SLC16A12: variants seen among roughly 807,000 people sequenced by gnomAD.
SLC16A12 encodes the protein monocarboxylate transporter 12.
A neutral mutation model predicts 42.4 loss-of-function variants in SLC16A12; 17 were observed. That is an observed-to-expected ratio of 0.40 (90% CI 0.27 to 0.60). The LOEUF is 0.60. SLC16A12 is among the 20% of genes least tolerant of loss of function. The probability of loss-of-function intolerance (pLI) is 0.42; values close to 1 mark genes in which losing one functional copy is unlikely to be tolerated. For synonymous variants in SLC16A12, 224 were observed against 229.4 expected (o/e 0.98, Z 0.21); for missense variants, 544 against 623.0 (o/e 0.87, Z 1.35).
chr10:89,458,970 T>A (rs1322909451), intron 3 of SLC16A12, among the ~76,000 whole-genome samples: 1 of 152,152 alleles, frequency 6.6e-6, no homozygotes, highest in Admixed American at 6.5e-5. Context: ...TTGTCTGTGG[T>A]ATGTCGGAGG....
chr10:89,482,948 T>C (rs751179483), intron 2 of SLC16A12, among the ~76,000 whole-genome samples: 12 of 152,332 alleles, frequency 7.9e-5, no homozygotes, highest in African/African-American at 2.4e-4. Context: ...GACATGAATC[T>C]GTATTAGTCT....
chr10:89,535,904 A>G (rs955556595), upstream of SLC16A12, among the ~76,000 whole-genome samples: 3 of 152,220 alleles, frequency 2.0e-5, no homozygotes. Flanking sequence ...GGAAAATCCC[A>G]GTGCTCGGCC....
intron 3 of SLC16A12, among the ~76,000 whole-genome samples, chr10:89,447,722 T>G (rs1324628224): frequency 6.6e-6 from 1 of 151,982 alleles, no homozygotes; most frequent in Non-Finnish European, 1.5e-5. Flanking sequence ...GCAAACAAAT[T>G]TAAAAGCTAG....
In SLC16A12 at chr10:89,502,109, G is replaced by A. The variant is rs1343395614; in HGVS notation, c.-47+32392C>T. Reference sequence around the variant, plus strand: ...TGTCACTGTCTCAGTTAGGGAGGATGTAGGGTAGTATACAGCACAATGACC... The same window carrying A: ...TGTCACTGTCTCAGTTAGGGAGGATATAGGGTAGTATACAGCACAATGACC... On this transcript the variant is annotated intron_variant, in intron 2 of 7. Coordinates refer to ENST00000371790, the MANE Select transcript of SLC16A12 (RefSeq NM_213606.4). 2.0e-5 allele frequency among the ~76,000 whole-genome samples: 3 copies of A among 152,140 alleles called. No individual in the cohort carries two copies. In the East Asian group the frequency reaches 5.8e-4, roughly 29 times the overall value.
chr10:89,513,416 C>G (rs1404341640), intron 2 of SLC16A12, among the ~76,000 whole-genome samples: 1 of 152,224 alleles, frequency 6.6e-6, no homozygotes, highest in Non-Finnish European at 1.5e-5. Context: ...TATCAGGTCA[C>G]ACTGCATTCC....
At chr10:89,444,649 G>A (rs371459745) in intron 3 of SLC16A12, among the ~76,000 whole-genome samples, 15 of 152,116 alleles carry the variant, frequency 9.9e-5, no homozygotes, top group Admixed American at 3.3e-4. Context: ...CTGGATGGCC[G>A]AATAGGAACA....
chr10:89,439,312 A>G (rs935518085), intron 5 of SLC16A12, 129 bp from the exon 6 acceptor site: 8 of 913,152 alleles, frequency 8.8e-6, no homozygotes, highest in South Asian at 1.8e-5. Context: ...TTTTTACACC[A>G]AGCTTAAAAT....
chr10:89,461,393 G>A (rs1012518797), intron 3 of SLC16A12, among the ~76,000 whole-genome samples: 2 of 152,096 alleles, frequency 1.3e-5, no homozygotes, highest in Admixed American at 6.5e-5. Flanking sequence ...TGAGCCCTAG[G>A]GAGCCAAGAA....
At chr10:89,512,345 G>A (rs192284527) in intron 2 of SLC16A12, among the ~76,000 whole-genome samples, 200 of 152,330 alleles carry the variant, frequency 1.3e-3, no homozygotes, top group African/African-American at 4.6e-3. Context: ...TCTTGTAGGT[G>A]ATGTTTCTTT....
chr10:89,544,627 T>A (rs992771114), intron 2 of SLC16A12, among the ~76,000 whole-genome samples: 5 of 152,172 alleles, frequency 3.3e-5, no homozygotes, highest in African/African-American at 7.2e-5. Context: ...GGAGAGAAGG[T>A]TGTGAGGAAA....
chr10:89,533,105 C>T (rs1441126949), intron 2 of SLC16A12, among the ~76,000 whole-genome samples: 2 of 151,606 alleles, frequency 1.3e-5, no homozygotes, highest in Non-Finnish European at 2.9e-5. Flanking sequence ...AAAATGTCAG[C>T]TCATAAAAGT....
At chr10:89,434,514 G>A (rs372169677) in intron 7 of SLC16A12, among the ~76,000 whole-genome samples, 1 of 152,188 alleles carries the variant, frequency 6.6e-6, no homozygotes, top group Non-Finnish European at 1.5e-5. Context: ...GTATCATGGA[G>A]TTCAAACTGA....
At chr10:89,539,857 T>TTTCTTTCTTTCTTTCTTTC (rs1843700720), upstream of SLC16A12, among the ~76,000 whole-genome samples, 66 of 127,954 alleles carry the variant, frequency 5.2e-4, no homozygotes, top group Non-Finnish European at 7.5e-4. Context: ...AGAAACAAAT[T>TTTCTTTCTTTCTTTCTTTC]TTTCTTTCTT....
chr10:89,430,902 A>T lies in SLC16A12; in HGVS notation c.*2162T>A, dbSNP rs1841684015. The T allele has an allele frequency of 2.9e-6, 1 of 342,342 alleles. No individual in the cohort carries two copies. Among genetic ancestry groups the T allele is most frequent in the South Asian group, 2.4e-5 (1 of 42,242 alleles). 21.2% of individuals were successfully genotyped at this position (342,342 alleles called of 1,614,324 possible). On this transcript the variant is annotated 3_prime_UTR_variant, in exon 8 of 8. Transcript: ENST00000371790. The stretch of plus-strand genomic sequence containing the variant: ...TTTGTAACTATTCATATTTTTAAAC[A>T]TCTTTAGGCTTGAAAATTCAAGAAA...
At chr10:89,510,150 C>T (rs149116749) in intron 2 of SLC16A12, among the ~76,000 whole-genome samples, 1 of 152,282 alleles carries the variant, frequency 6.6e-6, no homozygotes, top group South Asian at 2.1e-4. Context: ...GTGAAAATGG[C>T]CATACAGCCC....
chr10:89,459,609 C>CAAAA (rs958313333), intron 3 of SLC16A12, among the ~76,000 whole-genome samples: 6 of 151,318 alleles, frequency 4.0e-5, no homozygotes, highest in African/African-American at 1.2e-4. Context: ...AACAAACAAA[C>CAAAA]AAACTAGAAT....
rs1589665981 is a variant in SLC16A12 at position 89,447,125 on chromosome 10, T to A, written c.201-3266A>T. ...TTCATAAAGCAAGGACTTAGAGACC[T>A]ACAAAGAGACTTAGACTCCCACACA... is the stretch of plus-strand genomic sequence containing the variant. On this transcript the variant is annotated intron_variant, in intron 3 of 7. Transcript: ENST00000371790. Among the ~76,000 whole-genome samples the A allele has an allele frequency of 4.6e-5, 7 of 152,214 alleles. 1 individual carries two copies. The South Asian group carries it at 1.5e-3, about 32-fold the overall frequency.
At chr10:89,446,950 G>T (rs1353042293) in intron 3 of SLC16A12, among the ~76,000 whole-genome samples, 1 of 152,032 alleles carries the variant, frequency 6.6e-6, no homozygotes, top group Non-Finnish European at 1.5e-5. Context: ...AAAAGCAGGG[G>T]TTGCAATCCT....
chr10:89,443,896 G>T (rs1410670590), intron 3 of SLC16A12, 37 bp from the exon 4 acceptor site: 2 of 1,313,782 alleles, frequency 1.5e-6, no homozygotes, highest in Non-Finnish European at 2.2e-6. Flanking sequence ...TACAAAAAAT[G>T]AATGAGCATG....
Sources: allele counts gnomAD v4.1 joint callset (sites outside exome capture counted in the v4.1 genomes callset), GRCh38; gene constraint gnomAD v4.1.1; transcripts MANE v1.5; gene names NCBI Gene and HGNC (gene_info 2026-07-23, HGNC 2026-07-21).